The following MLIP variants were observed in gnomAD, a reference collection of about 807,000 sequenced individuals.
MLIP encodes the protein muscular LMNA-interacting protein.
A neutral mutation model predicts 84.8 loss-of-function variants in MLIP; 79 were observed. The observed-to-expected ratio is 0.93, with a 90% confidence interval of 0.78 to 1.12. The LOEUF (loss-of-function observed/expected upper bound fraction) is 1.12, where lower values mean the gene tolerates loss of function less well. MLIP is among the 50% of genes most tolerant of loss of function. The probability of loss-of-function intolerance (pLI) is 0.00; values close to 1 mark genes in which losing one functional copy is unlikely to be tolerated. For missense variants in MLIP, 1,257 were observed against 1,160.6 expected (o/e 1.08, Z -1.21); for synonymous variants, 504 against 463.0 (o/e 1.09, Z -1.14).
intron 1 of MLIP, among the ~76,000 whole-genome samples, chr6:54,104,791 G>C (rs1168994515): frequency 1.3e-5 from 2 of 152,186 alleles, no homozygotes; most frequent in East Asian, 3.9e-4. Context: ...TGTGGACTGT[G>C]CAGTTCAGCA....
chr6:54,251,119 G>C (rs1414937331), intron 12 of MLIP, among the ~76,000 whole-genome samples: 1 of 151,898 alleles, frequency 6.6e-6, no homozygotes, highest in East Asian at 1.9e-4. Flanking sequence ...TACAACTCCA[G>C]TGTATCTGAA....
intron 11 of MLIP, among the ~76,000 whole-genome samples, chr6:54,224,729 G>C (rs1482082847): frequency 6.6e-6 from 1 of 150,514 alleles, no homozygotes; most frequent in Non-Finnish European, 1.5e-5. Context: ...TTTATCCCTC[G>C]ACCCCCTTGC....
chr6:54,170,505 T>G (rs1473922748), intron 9 of MLIP, among the ~76,000 whole-genome samples: 3 of 151,472 alleles, frequency 2.0e-5, no homozygotes, highest in Non-Finnish European at 4.4e-5. Context: ...TTCCTGGAAG[T>G]TTTGCTGTTA....
chr6:54,193,567 TAAGAA>T, intron 10 of MLIP, among the ~76,000 whole-genome samples: 1 of 152,098 alleles, frequency 6.6e-6, no homozygotes, highest in East Asian at 1.9e-4. Flanking sequence ...TCAAGGAAAA[TAAGAA>T]AAGAGTAATT....
chr6:54,232,878 C>A (rs1188858958), intron 12 of MLIP, among the ~76,000 whole-genome samples: 1 of 152,200 alleles, frequency 6.6e-6, no homozygotes, highest in Non-Finnish European at 1.5e-5. Flanking sequence ...TCTTACCAGT[C>A]TTTAGAGTCC....
intron 11 of MLIP, among the ~76,000 whole-genome samples, chr6:54,211,509 A>G (rs1004288505): frequency 3.3e-5 from 5 of 152,192 alleles, no homozygotes; most frequent in Admixed American, 3.3e-4. Flanking sequence ...AATAGAACCA[A>G]AGGAAATCTA....
chr6:54,145,913 G>A (rs926281211), intron 4 of MLIP, among the ~76,000 whole-genome samples: 2 of 152,136 alleles, frequency 1.3e-5, no homozygotes, highest in South Asian at 2.1e-4. Context: ...CCAGTGGCAG[G>A]AGTTCCTAGT....
Position 54,093,468 on chromosome 6 carries a change from C to T in MLIP, c.64-27979C>T, listed in dbSNP as rs185262098. ...GTCATGACTTGTGGTTGGAAAAACA[C>T]GGATCTAGGCTAGCAGCTGTGTTTT... On this transcript the variant is annotated intron_variant, in intron 1 of 12. Transcript: ENST00000274897. 3.9e-4 allele frequency among the ~76,000 whole-genome samples: 60 copies of T among 151,930 alleles called. 2 individuals carry two copies. Among genetic ancestry groups the T allele is most frequent in the African/African-American group, 1.3e-3 (53 of 41,412 alleles).
At chr6:54,031,971 C>T (rs1270910592) in intron 1 of MLIP, among the ~76,000 whole-genome samples, 2 of 152,130 alleles carry the variant, frequency 1.3e-5, no homozygotes, top group African/African-American at 4.8e-5. Context: ...GGAAAAGCAT[C>T]ACCAGAGTGT....
intron 9 of MLIP, among the ~76,000 whole-genome samples, chr6:54,172,229 A>G (rs1775842123): frequency 2.0e-5 from 3 of 151,712 alleles, no homozygotes; most frequent in Admixed American, 2.0e-4. Flanking sequence ...CATCCCATGG[A>G]TATGTACAAT....
chr6:54,194,517 C>A (rs1292569), intron 10 of MLIP, among the ~76,000 whole-genome samples: 147,413 of 152,236 alleles, frequency 0.97, 71,559 homozygotes, highest in East Asian at 1. Context: ...TCTTATGTGC[C>A]TTTATTTTTA....
At chr6:54,060,397 C>T (rs1765899082) in intron 1 of MLIP, among the ~76,000 whole-genome samples, 1 of 152,142 alleles carries the variant, frequency 6.6e-6, no homozygotes, top group Admixed American at 6.5e-5. Context: ...TGTAATTTGG[C>T]CTTTCACTGT....
chr6:54,137,812 G>T lies in MLIP; in HGVS notation c.1743G>T (p.Thr581=). The change falls in exon 4 of 14, where the codon ACG becomes ACT. Residue 581 remains threonine (T), a synonymous_variant. Coordinates refer to ENST00000502396, the MANE Select transcript of MLIP (RefSeq NM_001281747.2). ...CAGAAAACCCCAGAAACATTCACAC[G>T]TACCCTTCTACATTAGCCTCCTCTG... ...RGPENPRNIH[T]YPSTLASSAL... 6.5e-7 allele frequency: 1 copy of T among 1,535,978 alleles called. No individual in the cohort carries two copies. The highest frequency in any genetic ancestry group is 8.7e-7 in the Non-Finnish European group (1 of 1,146,884).
chr6:54,249,596 T>A (rs1371258604), intron 12 of MLIP, among the ~76,000 whole-genome samples: 1 of 151,656 alleles, frequency 6.6e-6, no homozygotes, highest in African/African-American at 2.4e-5. Flanking sequence ...GGGTATAGAA[T>A]TGTGAGCAGT....
At chr6:54,023,406 A>G (rs1375036622) in intron 1 of MLIP, among the ~76,000 whole-genome samples, 1 of 151,820 alleles carries the variant, frequency 6.6e-6, no homozygotes, top group African/African-American at 2.4e-5. Context: ...ATTATATTTT[A>G]AATAATTTAA....
chr6:54,028,591 T>C lies in MLIP; in HGVS notation c.63+9500T>C, dbSNP rs573446913. ...CCTTTTTTCATCCCTATTTTGTTTTTCCACTTGAACTCAGCTTTCAGTTTT... is the reference window on the plus strand; with the variant it reads ...CCTTTTTTCATCCCTATTTTGTTTTCCCACTTGAACTCAGCTTTCAGTTTT... On this transcript the variant is annotated intron_variant, in intron 1 of 12. Transcript: ENST00000274897. 4.6e-5 allele frequency among the ~76,000 whole-genome samples: 7 copies of C among 152,338 alleles called. No homozygotes were observed. In the East Asian group the frequency reaches 1.3e-3, roughly 29 times the overall value.
intron 12 of MLIP, among the ~76,000 whole-genome samples, chr6:54,245,479 G>T (rs1348780857): frequency 2.0e-5 from 3 of 152,180 alleles, no homozygotes; most frequent in Admixed American, 6.5e-5. Context: ...GTAACTCAGG[G>T]TTAGGACAAT....
At chr6:54,131,122 C>G (rs1290192540) in intron 3 of MLIP, among the ~76,000 whole-genome samples, 1 of 152,184 alleles carries the variant, frequency 6.6e-6, no homozygotes, top group Non-Finnish European at 1.5e-5. Context: ...TTCCGTTGTA[C>G]AATAGCTTAC....
At chr6:54,142,808 A>G (rs1772428705) in intron 4 of MLIP, among the ~76,000 whole-genome samples, 1 of 152,100 alleles carries the variant, frequency 6.6e-6, no homozygotes, top group Non-Finnish European at 1.5e-5. Flanking sequence ...GCTATGGTCA[A>G]GTTATAGCAG....
Sources: allele counts gnomAD v4.1 joint callset (sites outside exome capture counted in the v4.1 genomes callset), GRCh38; gene constraint gnomAD v4.1.1; transcripts MANE v1.5; gene names NCBI Gene and HGNC (gene_info 2026-07-23, HGNC 2026-07-21).